The following PTK2 variants were observed in gnomAD, a reference collection of about 807,000 sequenced individuals.
The protein encoded by PTK2 is focal adhesion kinase 1.
In PTK2, 45 loss-of-function variants were observed where a neutral mutation model predicts 150.1. The ratio of observed to expected loss-of-function variants is 0.30; its 90% CI spans 0.24 to 0.38. The LOEUF (loss-of-function observed/expected upper bound fraction) is 0.38. Ranked by LOEUF, PTK2 falls within the 10% of genes least tolerant of loss-of-function variation. PTK2 has a pLI of 1.00. For missense variants in PTK2, 919 were observed against 1,307.3 expected (o/e 0.70, Z 4.58); for synonymous variants, 432 against 449.2 (o/e 0.96, Z 0.48).
chr8:140,941,336 C>A (rs1354419511), intron 1 of PTK2, among the ~76,000 whole-genome samples: 1 of 152,208 alleles, frequency 6.6e-6, no homozygotes, highest in Non-Finnish European at 1.5e-5. Context: ...GTGTGATCAA[C>A]ACACAAATAG....
chr8:140,769,608 G>A lies in PTK2; in HGVS notation c.1178-5318C>T, dbSNP rs781432908. On this transcript the variant is annotated intron_variant, in intron 14 of 31. Transcript: ENST00000522684. ...CTAATTTCATCTGCAGATCCGGGTGGCATGCAAAGAAAGGGAAGTAGGGAA... is the reference window on the plus strand; with the variant it reads ...CTAATTTCATCTGCAGATCCGGGTGACATGCAAAGAAAGGGAAGTAGGGAA... 5 of 1,359,400 alleles carry A rather than the reference G, an allele frequency of 3.7e-6. No individual in the cohort carries two copies. The highest frequency in any genetic ancestry group is 4.9e-6 in the Non-Finnish European group (5 of 1,024,804). 84.2% of individuals were successfully genotyped at this position (1,359,400 alleles called of 1,614,324 possible).
At position 140,877,159 on chromosome 8, in the gene PTK2, T is replaced by C. The variant is rs534639422; in HGVS notation, c.362+2312A>G. On this transcript the variant is annotated intron_variant, in intron 4 of 31. Coordinates refer to ENST00000522684, the Ensembl canonical transcript of PTK2. ...GCAATTCTCCTGCCTCAGCCTCCAA[T>C]GTAGCTGGGAGTACAGGCACCCGCC... Among the ~76,000 whole-genome samples, 7 of 150,106 alleles carry C rather than the reference T, an allele frequency of 4.7e-5. 1 individual carries two copies. Among genetic ancestry groups the C allele is most frequent in the South Asian group, 4.3e-4 (2 of 4,704 alleles).
intron 4 of PTK2, among the ~76,000 whole-genome samples, chr8:140,869,042 A>G (rs1005323922): frequency 2.4e-4 from 37 of 152,296 alleles, no homozygotes; most frequent in African/African-American, 8.9e-4. Context: ...AACTTTTGAT[A>G]TTATATTGAG....
intron 14 of PTK2, among the ~76,000 whole-genome samples, chr8:140,768,551 A>T (rs1356973646): frequency 6.6e-6 from 1 of 152,146 alleles, no homozygotes; most frequent in Non-Finnish European, 1.5e-5. Flanking sequence ...GCAAGGCTGG[A>T]GCCTAAGACC....
intron 1 of PTK2, among the ~76,000 whole-genome samples, chr8:140,971,333 T>C (rs189722489): frequency 7.2e-5 from 11 of 152,360 alleles, no homozygotes; most frequent in African/African-American, 2.6e-4. Context: ...CAGGTGTTAT[T>C]GGACCAGTAG....
intron 15 of PTK2, 104 bp downstream of exon 17, chr8:140,764,130 A>T: frequency 1.1e-6 from 1 of 901,778 alleles, no homozygotes. Context: ...GCATCCAAGG[A>T]AGTATTAAAA....
chr8:140,905,670 C>A (rs751613218), intron 2 of PTK2, among the ~76,000 whole-genome samples: 3 of 152,108 alleles, frequency 2.0e-5, no homozygotes, highest in African/African-American at 7.2e-5. Flanking sequence ...CTGGACCAAG[C>A]GGACCTAATA....
chr8:140,929,764 T>G (rs1461686436), intron 1 of PTK2, among the ~76,000 whole-genome samples: 1 of 152,050 alleles, frequency 6.6e-6, no homozygotes, highest in East Asian at 1.9e-4. Context: ...GCACTTTTTT[T>G]TTTTAACTTT....
chr8:140,698,404 G>T (rs2100028156), intron 26 of PTK2, among the ~76,000 whole-genome samples: 2 of 152,316 alleles, frequency 1.3e-5, no homozygotes, highest in South Asian at 4.1e-4. Flanking sequence ...TCTTAGAATA[G>T]ATATAATATC....
At chr8:140,707,735 T>C (rs1019243620) in intron 23 of PTK2, among the ~76,000 whole-genome samples, 2 of 152,168 alleles carry the variant, frequency 1.3e-5, no homozygotes, top group Admixed American at 1.3e-4. Context: ...ATAAATTGTA[T>C]GGTATGTAAA....
In PTK2 at chr8:140,740,096, C is replaced by T. The variant is rs552003897; in HGVS notation, c.1736-989G>A. ...AATCAGCTCCCTTTTCAGGCCTAAA[C>T]GTTTTCTTTGTGCCACAAAGGCAAA... is the stretch of plus-strand genomic sequence containing the variant. On this transcript the variant is annotated intron_variant, in intron 20 of 31. Transcript: ENST00000522684. Among the ~76,000 whole-genome samples, 27 of 152,252 alleles carry T rather than the reference C, an allele frequency of 1.8e-4. No individual in the cohort carries two copies. In the South Asian group the frequency reaches 5.0e-3, roughly 28 times the overall value.
At chr8:140,775,626 G>C (rs542948439) in intron 14 of PTK2, among the ~76,000 whole-genome samples, 1 of 152,152 alleles carries the variant, frequency 6.6e-6, no homozygotes, top group East Asian at 1.9e-4. Context: ...CTATAGGTGT[G>C]AGCCACCATA....
chr8:140,901,607 T>C (rs1246504496), intron 2 of PTK2, among the ~76,000 whole-genome samples: 4 of 150,864 alleles, frequency 2.7e-5, no homozygotes, highest in Non-Finnish European at 4.4e-5. Context: ...GCTAAAATCA[T>C]GCTCAATGAA....
At chr8:140,969,633 T>C (rs2154609605) in intron 1 of PTK2, among the ~76,000 whole-genome samples, 1 of 151,554 alleles carries the variant, frequency 6.6e-6, no homozygotes, top group South Asian at 2.1e-4. Context: ...TCTCTACAGC[T>C]GTTCTTCCTC....
chr8:140,699,837 C>A (rs2100029171), intron 26 of PTK2, among the ~76,000 whole-genome samples: 1 of 151,574 alleles, frequency 6.6e-6, no homozygotes. Flanking sequence ...GAGACAGAGT[C>A]TTGCTCTGTG....
chr8:140,999,023 T>C, intron 1 of PTK2, among the ~76,000 whole-genome samples: 1 of 152,214 alleles, frequency 6.6e-6, no homozygotes, highest in East Asian at 1.9e-4. Context: ...ATTTCACTGC[T>C]GGATTCATGG....
intron 7 of PTK2, among the ~76,000 whole-genome samples, chr8:140,837,663 A>C (rs987825917): frequency 5.3e-5 from 8 of 152,158 alleles, no homozygotes; most frequent in Non-Finnish European, 1.0e-4. Flanking sequence ...TGGGAGGTGG[A>C]GGTTACACTG....
At chr8:140,686,436 T>C (rs1285729378) in intron 27 of PTK2, among the ~76,000 whole-genome samples, 196 bp downstream of exon 30, 1 of 152,164 alleles carries the variant, frequency 6.6e-6, no homozygotes, top group East Asian at 1.9e-4. Flanking sequence ...TCAATAATAG[T>C]GCAGAAAACT....
At chr8:140,994,064 A>G (rs2100196726) in intron 1 of PTK2, among the ~76,000 whole-genome samples, 2 of 152,220 alleles carry the variant, frequency 1.3e-5, no homozygotes, top group African/African-American at 4.8e-5. Context: ...TCTGTTTCTG[A>G]AAAAAGTGAA....
Sources: allele counts gnomAD v4.1 joint callset (sites outside exome capture counted in the v4.1 genomes callset), GRCh38; gene constraint gnomAD v4.1.1; transcripts MANE v1.5; gene names NCBI Gene and HGNC (gene_info 2026-07-23, HGNC 2026-07-21).